Variants in HOOK2 observed in about 807,000 individuals in gnomAD.
HOOK2 encodes the protein protein Hook homolog 2.
A neutral mutation model predicts 111.9 loss-of-function variants in HOOK2; 108 were observed. The ratio of observed to expected loss-of-function variants is 0.96; its 90% CI spans 0.83 to 1.13. HOOK2 has a LOEUF of 1.13. Among genes scored for constraint, HOOK2 ranks in the 50% most tolerant of loss-of-function variants. The probability of loss-of-function intolerance (pLI) is 0.00; values close to 1 mark genes in which losing one functional copy is unlikely to be tolerated. For synonymous variants in HOOK2, 405 were observed against 394.3 expected, an observed-to-expected ratio of 1.03 and a Z score of -0.32; for missense variants, 978 against 951.3, an observed-to-expected ratio of 1.03 and a Z score of -0.37.
rs1173407978 is a variant in HOOK2, at chr19:12,791,945, C to A, written n.42-17720G>T. 1 of 1,611,254 alleles carries A rather than the reference C, an allele frequency of 6.2e-7. No homozygotes were observed. ...TCAAAGCGCCTGGGGCTCGCGGACC[C>A]GGCCCAGAGGGCGGCGGTGGCGGCA... On this transcript the variant is annotated intron_variant and non_coding_transcript_variant, in intron 3 of 3. Transcript: ENST00000589765. This position sits in a 1 kb window ranked among gnomAD's most constrained non-coding sequence, Gnocchi z 7.0.
Position 12,766,033 on chromosome 19 carries a change from G to T in HOOK2, c.1512-19C>A. On this transcript the variant is annotated intron_variant, in intron 15 of 22. Coordinates refer to ENST00000397668, the MANE Select transcript of HOOK2 (RefSeq NM_013312.3). ...GTTCAGCCTGCGAGGGTGGGGGGCC[G>T]CTTAGTGCCTGTGCCCACTTTTGGC... is the stretch of plus-strand genomic sequence containing the variant. 1 of 1,611,410 alleles carries T rather than the reference G, an allele frequency of 6.2e-7. No homozygotes were observed.
In HOOK2 at chr19:12,772,634, C is replaced by T; in HGVS notation, c.435G>A (p.Val145=). 1 of 1,614,202 alleles carries T rather than the reference C, an allele frequency of 6.2e-7. No homozygotes were observed. The highest frequency in any genetic ancestry group is 8.5e-7 in the Non-Finnish European group (1 of 1,180,020). The change falls in exon 6 of 23, where the codon GTG becomes GTA. Residue 145 remains valine, a synonymous_variant. Coordinates refer to ENST00000397668, the MANE Select transcript of HOOK2 (RefSeq NM_013312.3). ...IMTLEESVQH[V]VMEAIQELMT... is the part of the protein sequence containing the mutation. The stretch of plus-strand genomic sequence containing the variant: ...CCACCTCTTGGATGGCTTCCATCAC[C>T]ACATGCTGAACCGATTCTTCCAGCG...
rs539139478 is a variant in HOOK2, at chr19:12,791,121, G to A, written n.42-16896C>T. Among the ~76,000 whole-genome samples, 1 of 152,206 alleles carries A rather than the reference G, an allele frequency of 6.6e-6. No individual in the cohort carries two copies. Among genetic ancestry groups the A allele is most frequent in the Admixed American group, 6.5e-5 (1 of 15,296 alleles). ...TTCTGGGTACCTCAGGGGTTTCTTCGCACATACTGGGACCCTCACCCCACT... is the reference window on the plus strand; with the variant it reads ...TTCTGGGTACCTCAGGGGTTTCTTCACACATACTGGGACCCTCACCCCACT... On this transcript the variant is annotated intron_variant and non_coding_transcript_variant, in intron 3 of 3. Coordinates refer to the HOOK2 transcript ENST00000589765. The surrounding 1 kb of genome is among the most constrained non-coding windows in gnomAD (Gnocchi z 7.0).
intron 5 of HOOK2, 45 bp from the exon 6 acceptor site, chr19:12,772,725 G>A: frequency 2.5e-6 from 4 of 1,613,730 alleles, no homozygotes; most frequent in Non-Finnish European, 3.4e-6. Context: ...GGTGAGGTGG[G>A]GAGGAAGGAG....
intron 3 of HOOK2, 178 bp from the exon 4 acceptor site, chr19:12,773,222 TC>T (rs1968388970): frequency 4.3e-6 from 2 of 468,762 alleles, no homozygotes; most frequent in South Asian, 5.2e-5. Context: ...TGCCTGACCA[TC>T]TTTGTTTCTT....
At chr19:12,765,148 G>A in intron 18 of HOOK2, 67 bp from the exon 19 acceptor site, 1 of 1,495,274 alleles carries the variant, frequency 6.7e-7, no homozygotes, top group South Asian at 1.1e-5. Context: ...CCCAGTGGTA[G>A]CCACAGACCT....
chr19:12,792,050 C>T (rs1199422283), intron 3 of HOOK2: 2 of 1,610,614 alleles, frequency 1.2e-6, no homozygotes, highest in Non-Finnish European at 8.5e-7. Flanking sequence ...TGATTGTCCC[C>T]AACAGCAACG....
Position 12,763,233 on chromosome 19 carries a change from G to C in HOOK2, c.*49C>G, listed in dbSNP as rs758131946. ...CCAGTGCTGGGCGCCATGTGAGCTG[G>C]AGGAAGCCAGGGTGGGTGGAGCCCA... is the stretch of plus-strand genomic sequence containing the variant. On this transcript the variant is annotated 3_prime_UTR_variant, in exon 23 of 23. Coordinates refer to ENST00000397668, the MANE Select transcript of HOOK2 (RefSeq NM_013312.3). The C allele has an allele frequency of 6.3e-7, 1 of 1,590,654 alleles. No individual in the cohort carries two copies. The highest frequency in any genetic ancestry group is 1.3e-5 in the African/African-American group (1 of 74,598).
chr19:12,775,133 C>A (rs1229465484), intron 1 of HOOK2: 6 of 957,088 alleles, frequency 6.3e-6, no homozygotes, highest in African/African-American at 1.8e-5. Context: ...CGCGAGTCAC[C>A]TGGGCCCCAC....
Position 12,774,735 on chromosome 19 carries a change from G to C in HOOK2, c.138C>G (p.Pro46=), listed in dbSNP as rs1352072503. The change falls in exon 3 of 23, where the codon CCC becomes CCG. Residue 46 remains proline, a synonymous_variant. Coordinates refer to ENST00000397668, the MANE Select transcript of HOOK2 (RefSeq NM_013312.3). ...AVAYVLNQID[P]SWFNEAWLQG... ...GGAGCCATGCCTCGTTGAACCAGGA[G>C]GGGTCTCTGGGGGCGAGAAGGTGGG... 6.2e-7 allele frequency: 1 copy of C among 1,614,066 alleles called. No individual in the cohort carries two copies. The highest frequency in any genetic ancestry group is 8.5e-7 in the Non-Finnish European group (1 of 1,179,914).
intron 13 of HOOK2, 56 bp downstream of exon 13, chr19:12,767,760 T>C: frequency 6.6e-7 from 1 of 1,516,586 alleles, no homozygotes; most frequent in Non-Finnish European, 9.0e-7. Flanking sequence ...CACAACCTGT[T>C]CTACCCAAAC....
chr19:12,763,133 C>G lies in HOOK2; in HGVS notation c.*149G>C. 1.8e-6 allele frequency: 1 copy of G among 566,894 alleles called. No individual in the cohort carries two copies. The highest frequency in any genetic ancestry group is 3.2e-5 in the Admixed American group (1 of 31,482). 35.1% of individuals were successfully genotyped at this position (566,894 alleles called of 1,614,324 possible). A position where few individuals can be genotyped will look rare whatever the true frequency, so the allele number is the denominator to read the frequency against. ...GAACAGGCCTATATCTACCTCCCGC[C>G]CTCCCTCCCCACCAATCTGGGAGAG... is the stretch of plus-strand genomic sequence containing the variant. On this transcript the variant is annotated 3_prime_UTR_variant, in exon 23 of 23. Coordinates refer to ENST00000397668, the MANE Select transcript of HOOK2 (RefSeq NM_013312.3).
chr19:12,763,480 C>T (rs891282478), intron 22 of HOOK2, 48 bp downstream of exon 22: 1 of 1,613,628 alleles, frequency 6.2e-7, no homozygotes, highest in South Asian at 1.1e-5. Flanking sequence ...AGGACCCCCC[C>T]ACCAATATTC....
rs1467714024 is a variant in HOOK2, at chr19:12,763,014, G to A, written c.*268C>T. 21 of 431,830 alleles carry A rather than the reference G, an allele frequency of 4.9e-5. No individual in the cohort carries two copies. The highest frequency in any genetic ancestry group is 1.0e-4 in the African/African-American group (5 of 49,744). 26.7% of individuals were successfully genotyped at this position (431,830 alleles called of 1,614,324 possible). A position where few individuals can be genotyped will look rare whatever the true frequency, so the allele number is the denominator to read the frequency against. On this transcript the variant is annotated 3_prime_UTR_variant, in exon 23 of 23. Coordinates refer to ENST00000397668, the MANE Select transcript of HOOK2 (RefSeq NM_013312.3). ...AGAGCACAGCCAGGGCAGATTGAACGCCTTTATTTTTCTCAAATATAAAAT... is the reference window on the plus strand; with the variant it reads ...AGAGCACAGCCAGGGCAGATTGAACACCTTTATTTTTCTCAAATATAAAAT...
chr19:12,791,724 C>T lies in HOOK2; in HGVS notation n.42-17499G>A. On this transcript the variant is annotated intron_variant and non_coding_transcript_variant, in intron 3 of 3. Coordinates refer to the HOOK2 transcript ENST00000589765. The surrounding 1 kb of genome is among the most constrained non-coding windows in gnomAD (Gnocchi z 7.0). ...AGCTCGCCGCTCGCTGCAGCGAGGC[C>T]CGGAGCGGCCCCGCAGGGACCCTCC... 7.1e-7 allele frequency: 1 copy of T among 1,407,968 alleles called. No individual in the cohort carries two copies. The allele number at this position is 1,407,968 out of a possible 1,614,324, so 87.2% of individuals were successfully genotyped here. A position where few individuals can be genotyped will look rare whatever the true frequency, so the allele number is the denominator to read the frequency against.
chr19:12,775,043 T>C (rs1434136917), intron 1 of HOOK2, 146 bp from the exon 2 acceptor site: 1 of 1,111,276 alleles, frequency 9.0e-7, no homozygotes, highest in Non-Finnish European at 1.3e-6. Flanking sequence ...GACTGGCTTC[T>C]GCTCACCTGA....
chr19:12,780,355 TTTTTTC>T (rs1968586968), upstream of HOOK2, among the ~76,000 whole-genome samples: 1 of 151,992 alleles, frequency 6.6e-6, no homozygotes, highest in Admixed American at 6.6e-5. Context: ...GTGTCATTCT[TTTTTTC>T]TTTTTCTTTT....
intron 3 of HOOK2, among the ~76,000 whole-genome samples, chr19:12,789,999 T>A (rs1049324095): frequency 6.6e-6 from 1 of 152,228 alleles, no homozygotes; most frequent in East Asian, 1.9e-4. Context: ...CGCTCAGTCC[T>A]GCCCGCGGAC....
chr19:12,771,214 TGGCAGTGAGACCTGGGGTACCCTC>T lies in HOOK2; in HGVS notation c.682_705del (p.Glu228_Ala235del). ...TGGGATTGCAGCAGCAGCAGCTTCT[TGGCAGTGAGACCTGGGGTACCCTC>T]GCCTTCAGGCCGGCCCATCCGCTCC... On this transcript the variant is annotated inframe_deletion, in exon 9 of 23. Transcript: ENST00000397668. 6.2e-7 allele frequency: 1 copy of T among 1,612,320 alleles called. No individual in the cohort carries two copies. The highest frequency in any genetic ancestry group is 8.5e-7 in the Non-Finnish European group (1 of 1,179,320).
Sources: allele counts gnomAD v4.1 joint callset (sites outside exome capture counted in the v4.1 genomes callset), GRCh38; gene constraint gnomAD v4.1.1; non-coding constraint Gnocchi (gnomAD v3.1); transcripts MANE v1.5; gene names NCBI Gene and HGNC (gene_info 2026-07-23, HGNC 2026-07-21).